The following LPIN2 variants were observed in gnomAD, a reference collection of about 807,000 sequenced individuals.
LPIN2 encodes phosphatidate phosphatase LPIN2.
Under a neutral mutation model 111.4 loss-of-function variants are expected in LPIN2, and 55 were observed. That is an observed-to-expected ratio of 0.49 (90% CI 0.40 to 0.62). The LOEUF is 0.62. Ranked by LOEUF, LPIN2 falls within the 20% of genes least tolerant of loss-of-function variation. The pLI is 0.00. For missense variants in LPIN2, 992 were observed against 1,112.1 expected, an observed-to-expected ratio of 0.89 and a Z score of 1.54; for synonymous variants, 425 against 414.0, an observed-to-expected ratio of 1.03 and a Z score of -0.32.
In LPIN2 at chr18:2,963,365, C is replaced by T. The variant is rs937858401; in HGVS notation, c.-9-2516G>A. Among the ~76,000 whole-genome samples, 16 of 150,214 alleles carry T rather than the reference C, an allele frequency of 1.1e-4. 2 individuals carry two copies. The highest frequency in any genetic ancestry group is 4.0e-4 in the African/African-American group (16 of 39,610). ...CATATACCTTATTCCTACATGCTAG[C>T]CCAGCATAGCTACACAATAAGAACC... is the stretch of plus-strand genomic sequence containing the variant. On this transcript the variant is annotated intron_variant, in intron 1 of 19. Coordinates refer to ENST00000677752, the MANE Select transcript of LPIN2 (RefSeq NM_001375808.2).
chr18:2,943,808 T>C (rs1432817681), intron 4 of LPIN2, among the ~76,000 whole-genome samples: 2 of 152,212 alleles, frequency 1.3e-5, no homozygotes, highest in Admixed American at 1.3e-4. Flanking sequence ...ATGAGTCTGG[T>C]TGCCAGATCT....
chr18:2,941,471 T>C (rs962393852), intron 4 of LPIN2, among the ~76,000 whole-genome samples: 4 of 152,256 alleles, frequency 2.6e-5, no homozygotes, highest in African/African-American at 4.8e-5. Context: ...TTACTATAAC[T>C]ACCTTGCCAT....
chr18:2,936,305 G>T (rs951210974), intron 7 of LPIN2, among the ~76,000 whole-genome samples: 2 of 152,126 alleles, frequency 1.3e-5, no homozygotes, highest in African/African-American at 4.8e-5. Flanking sequence ...AGGATCCAAG[G>T]CCAGAGTTCA....
At chr18:2,938,510 C>CA (rs1391085620) in intron 6 of LPIN2, among the ~76,000 whole-genome samples, 1 of 151,784 alleles carries the variant, frequency 6.6e-6, no homozygotes, top group Non-Finnish European at 1.5e-5. Context: ...GGTGACAGAG[C>CA]AAGACTTTAT....
intron 4 of LPIN2, among the ~76,000 whole-genome samples, chr18:2,944,604 C>T (rs2077421031): frequency 6.6e-6 from 1 of 152,120 alleles, no homozygotes; most frequent in Non-Finnish European, 1.5e-5. Flanking sequence ...CCCGCCTCGG[C>T]CTCCCAAAGT....
At chr18:2,964,539 G>A (rs1358360280) in intron 1 of LPIN2, among the ~76,000 whole-genome samples, 1 of 152,152 alleles carries the variant, frequency 6.6e-6, no homozygotes, top group African/African-American at 2.4e-5. Flanking sequence ...TTCCTCGTGA[G>A]AATACAGCAA....
At chr18:2,929,375 G>T (rs914128608) in intron 9 of LPIN2, among the ~76,000 whole-genome samples, 1 of 152,032 alleles carries the variant, frequency 6.6e-6, no homozygotes, top group African/African-American at 2.4e-5. Context: ...GTCTCCCAGT[G>T]AAAACAAACA....
chr18:2,936,316 G>GA (rs1401417820), intron 7 of LPIN2, among the ~76,000 whole-genome samples: 1 of 152,188 alleles, frequency 6.6e-6, no homozygotes, highest in Non-Finnish European at 1.5e-5. Context: ...CCAGAGTTCA[G>GA]AATATGTATG....
intron 1 of LPIN2, among the ~76,000 whole-genome samples, chr18:2,983,488 G>A (rs560921519): frequency 2.0e-5 from 3 of 152,156 alleles, no homozygotes; most frequent in Admixed American, 1.3e-4. Context: ...TCTAAAAACC[G>A]CAAACACACA....
intron 12 of LPIN2, among the ~76,000 whole-genome samples, 200 bp downstream of exon 12, chr18:2,927,522 G>A (rs1173617579): frequency 2.0e-5 from 3 of 152,108 alleles, no homozygotes; most frequent in Non-Finnish European, 4.4e-5. Flanking sequence ...ATGGCAACTC[G>A]AACATCTCTA....
intron 1 of LPIN2, among the ~76,000 whole-genome samples, chr18:2,988,921 T>C (rs1598602808): frequency 1.3e-5 from 2 of 152,236 alleles, no homozygotes; most frequent in East Asian, 3.8e-4. Context: ...ATCTTCAGCC[T>C]TTGCAACAAA....
At chr18:2,921,214 C>G (rs1272090729) in intron 18 of LPIN2, 1 of 548,110 alleles carries the variant, frequency 1.8e-6, no homozygotes, top group African/African-American at 1.9e-5. Context: ...CCAGCACTGA[C>G]CCTGGCTCTG....
rs759682080 is a variant in LPIN2 at position 2,923,797 on chromosome 18, T to C, written c.2152A>G (p.Lys718Glu). 1 of 1,613,924 alleles carries C rather than the reference T, an allele frequency of 6.2e-7. No individual in the cohort carries two copies. Among genetic ancestry groups the C allele is most frequent in the African/African-American group, 1.3e-5 (1 of 74,910 alleles). ...TACTCATTGATGGAATGGTAGAGCT[T>C]TGCTATACCCTGGTGGGTCCAGTCT... ...GKDWTHQGIA[K>E]LYHSINENGY... Residue 718 changes from lysine (K) to glutamate (E), a missense_variant, in exon 16 of 20, where the codon AAG becomes GAG. Lys to Glu is a moderately conservative substitution (Grantham distance 56). This residue lies in a region of LPIN2 where 31 missense variants were observed against 60.3 expected (regional missense o/e 0.51). Coordinates refer to ENST00000677752, the MANE Select transcript of LPIN2 (RefSeq NM_001375808.2).
Position 2,937,831 on chromosome 18 carries a change from T to C in LPIN2, c.1029A>G (p.Ala343=), listed in dbSNP as rs747281286. The change falls in exon 7 of 20, where the codon GCA becomes GCG. Residue 343 remains alanine, a synonymous_variant. Transcript: ENST00000677752. ...TCTCAAGAGGAGGTTCGAGAAGCTC[T>C]GCCACAGATGTTGGGTCGCTCATCT... The part of the protein sequence containing the change: ...GTQMSDPTSV[A]ELLEPPLEST... 2 of 1,614,190 alleles carry C rather than the reference T, an allele frequency of 1.2e-6. No homozygotes were observed. The highest frequency in any genetic ancestry group is 1.7e-6 in the Non-Finnish European group (2 of 1,180,024).
chr18:2,956,176 C>CG, intron 2 of LPIN2, among the ~76,000 whole-genome samples: 1 of 152,206 alleles, frequency 6.6e-6, no homozygotes, highest in East Asian at 1.9e-4. Context: ...AGCAGATATA[C>CG]TGACGATAAT....
rs781426078 is a variant in LPIN2, at chr18:2,925,417, G to A, written c.1794-49C>T. The A allele has an allele frequency of 6.2e-7, 1 of 1,611,662 alleles. No individual in the cohort carries two copies. Among genetic ancestry groups the A allele is most frequent in the African/African-American group, 1.3e-5 (1 of 74,840 alleles). ...GGAAGAGGCAGCAGGGCATTTTATT[G>A]ATGAGAGCTTTTCATTTAGGATCAA... On this transcript the variant is annotated intron_variant, in intron 13 of 19. Coordinates refer to ENST00000677752, the MANE Select transcript of LPIN2 (RefSeq NM_001375808.2). This position sits in a 1 kb window ranked among gnomAD's most constrained non-coding sequence, Gnocchi z 4.1.
At chr18:2,998,921 C>A (rs747343380) in intron 1 of LPIN2, among the ~76,000 whole-genome samples, 54 of 152,202 alleles carry the variant, frequency 3.5e-4, no homozygotes, top group Admixed American at 3.9e-4. Flanking sequence ...AACTCAGATA[C>A]TGTCATTAAA....
intron 1 of LPIN2, among the ~76,000 whole-genome samples, chr18:2,995,799 G>C (rs1363571098): frequency 6.6e-6 from 1 of 152,200 alleles, no homozygotes; most frequent in South Asian, 2.1e-4. Context: ...GATACACTGT[G>C]AGACTCTGAA....
At chr18:3,000,605 A>G (rs2078420318) in intron 1 of LPIN2, among the ~76,000 whole-genome samples, 1 of 152,260 alleles carries the variant, frequency 6.6e-6, no homozygotes, top group African/African-American at 2.4e-5. Context: ...CCCCAACATC[A>G]TGAGTGTACA....
Sources: gnomAD v4.1 joint callset for allele counts (sites outside exome capture counted in the v4.1 genomes callset) on GRCh38, gnomAD v4.1.1 for gene constraint, gnomAD v4.1.1 regional missense constraint, Gnocchi (gnomAD v3.1) non-coding constraint, MANE v1.5 for transcripts, NCBI Gene and HGNC (gene_info 2026-07-23, HGNC 2026-07-21) for gene names.